The following CDKL5 variants were observed in gnomAD, a reference collection of about 807,000 sequenced individuals.
CDKL5 encodes the protein cyclin dependent kinase like 5, also known as cyclin-dependent kinase-like 5.
Under a neutral mutation model 61.7 loss-of-function variants are expected in CDKL5, and 8 were observed. The ratio of observed to expected loss-of-function variants is 0.13; its 90% CI spans 0.08 to 0.23. CDKL5 has a LOEUF of 0.23. Ranked by LOEUF, CDKL5 falls within the 10% of genes least tolerant of loss-of-function variation. The probability of loss-of-function intolerance (pLI) is 1.00; values close to 1 mark genes in which losing one functional copy is unlikely to be tolerated. For missense variants in CDKL5, 440 were observed against 734.5 expected, an observed-to-expected ratio of 0.60 and a Z score of 4.63; for synonymous variants, 275 against 272.3, an observed-to-expected ratio of 1.01 and a Z score of -0.10.
chrX:18,559,241 G>A (rs187892700), intron 3 of CDKL5, among the ~76,000 whole-genome samples: 23 of 111,889 alleles, frequency 2.1e-4, no homozygotes, highest in Non-Finnish European at 3.2e-4. Context: ...ATGGAGTCTC[G>A]CTCTGTCATC....
rs1260438495 is a variant in CDKL5 at position 18,630,991 on chromosome X, C to CT, written c.*2241dup. 1 of 745,194 alleles carries CT rather than the reference C, an allele frequency of 1.3e-6. No homozygotes were observed. Among genetic ancestry groups the CT allele is most frequent in the Non-Finnish European group, 1.6e-6 (1 of 637,067 alleles). 61.4% of individuals were successfully genotyped at this position (745,194 alleles called of 1,213,427 possible). A position where few individuals can be genotyped will look rare whatever the true frequency, so the allele number is the denominator to read the frequency against. On this transcript the variant is annotated 3_prime_UTR_variant, in exon 18 of 18. Transcript: ENST00000623535. ...CCCCCCTTGCAAACCAGAAACTACA[C>CT]TTTTTTTCTCTGGAAAGACTTCTCA... is the stretch of plus-strand genomic sequence containing the variant.
At chrX:18,483,551 G>A (rs761591365) in intron 1 of CDKL5, among the ~76,000 whole-genome samples, 1 of 110,310 alleles carries the variant, frequency 9.1e-6, no homozygotes, top group South Asian at 4.0e-4. Flanking sequence ...CAAGTAGCTG[G>A]GATTACAGGC....
At chrX:18,436,975 A>G (rs951476220) in intron 1 of CDKL5, among the ~76,000 whole-genome samples, 5 of 109,027 alleles carry the variant, frequency 4.6e-5, no homozygotes, top group African/African-American at 1.7e-4. Context: ...GCATTGAAGC[A>G]CAAGTTGGCA....
chrX:18,545,855 T>C (rs1363222694), intron 3 of CDKL5, among the ~76,000 whole-genome samples: 3 of 112,515 alleles, frequency 2.7e-5, no homozygotes, highest in Non-Finnish European at 5.6e-5. Flanking sequence ...TATTGATTTA[T>C]CTTCCATGCC....
At chrX:18,439,882 TAAG>T (rs746772478) in intron 1 of CDKL5, among the ~76,000 whole-genome samples, 1 of 109,497 alleles carries the variant, frequency 9.1e-6, no homozygotes, top group Admixed American at 9.8e-5. Flanking sequence ...TGTAGTCTAT[TAAG>T]TGTGCAATAA....
chrX:18,549,366 C>A (rs752974523), intron 3 of CDKL5, among the ~76,000 whole-genome samples: 3 of 112,525 alleles, frequency 2.7e-5, no homozygotes, highest in Non-Finnish European at 5.6e-5. Context: ...CAAGCTCTGT[C>A]ACTCATTCAA....
At chrX:18,649,934 T>C (rs1328300421) in intron 20 of CDKL5, 3 of 171,282 alleles carry the variant, frequency 1.8e-5, no homozygotes, top group African/African-American at 9.1e-5. Flanking sequence ...CCCTCCACTT[T>C]GAGCATTTGA....
rs1386026899 is a variant in CDKL5 at position 18,634,484 on chromosome X, C to T, written c.*5727C>T. 5.5e-5 allele frequency: 41 copies of T among 751,760 alleles called. No individual in the cohort carries two copies. The highest frequency in any genetic ancestry group is 4.8e-4 in the South Asian group (7 of 14,619). The allele number at this position is 751,760 out of a possible 1,213,427, so 62.0% of individuals were successfully genotyped here. On this transcript the variant is annotated 3_prime_UTR_variant, in exon 18 of 18. Coordinates refer to ENST00000623535, the MANE Select transcript of CDKL5 (RefSeq NM_001323289.2). ...AACTCTGTAGAGTTTCATGGAAAAA[C>T]AAAACAAAACAAAAAAGATGCTTAT... is the stretch of plus-strand genomic sequence containing the variant.
Position 18,633,644 on chromosome X carries a change from T to G in CDKL5, c.*4887T>G. On this transcript the variant is annotated 3_prime_UTR_variant, in exon 18 of 18. Transcript: ENST00000623535. The stretch of plus-strand genomic sequence containing the variant: ...CCCTCATCTATCTGCATACACGCAA[T>G]GTGGGAGAAGTGGGGTGGCTAGGAA... 1.3e-6 allele frequency: 1 copy of G among 754,179 alleles called. No individual in the cohort carries two copies. The highest frequency in any genetic ancestry group is 2.3e-5 in the African/African-American group (1 of 43,843). 62.2% of individuals were successfully genotyped at this position (754,179 alleles called of 1,213,427 possible).
At chrX:18,503,974 C>T (rs1284293543) in intron 1 of CDKL5, among the ~76,000 whole-genome samples, 2 of 111,717 alleles carry the variant, frequency 1.8e-5, no homozygotes. Flanking sequence ...AATTCCTGAG[C>T]ATGAGTGATC....
At position 18,632,782 on chromosome X, in the gene CDKL5, A is replaced by G; in HGVS notation, c.*4025A>G. On this transcript the variant is annotated 3_prime_UTR_variant, in exon 18 of 18. Coordinates refer to ENST00000623535, the MANE Select transcript of CDKL5 (RefSeq NM_001323289.2). ...TTCCTAATCTGAGAATTAGTGGACT[A>G]TACTAGGAAATGCTATCCCATTTTC... 2 of 753,305 alleles carry G rather than the reference A, an allele frequency of 2.7e-6. No homozygotes were observed. Among genetic ancestry groups the G allele is most frequent in the Non-Finnish European group, 3.1e-6 (2 of 638,220 alleles). 62.1% of individuals were successfully genotyped at this position (753,305 alleles called of 1,213,427 possible). A position where few individuals can be genotyped will look rare whatever the true frequency, so the allele number is the denominator to read the frequency against.
At chrX:18,613,052 G>A (rs1339902588) in intron 14 of CDKL5, 100 bp from the exon 15 acceptor site, 74 of 708,205 alleles carry the variant, frequency 1.0e-4, no homozygotes, top group Admixed American at 1.3e-4. Flanking sequence ...CCGAGATCAC[G>A]CCACTGCACT....
chrX:18,586,108 G>A (rs1363276481), intron 8 of CDKL5, among the ~76,000 whole-genome samples: 1 of 111,360 alleles, frequency 9.0e-6, no homozygotes, highest in Non-Finnish European at 1.9e-5. Context: ...TAAATCAAAA[G>A]CTTGCTTTAT....
At chrX:18,441,688 T>C (rs1931748814) in intron 1 of CDKL5, among the ~76,000 whole-genome samples, 1 of 111,549 alleles carries the variant, frequency 9.0e-6, no homozygotes, top group African/African-American at 3.3e-5. Context: ...TTAGAGATAC[T>C]TTGTGATCAG....
chrX:18,474,625 A>G (rs1921234762), intron 1 of CDKL5, among the ~76,000 whole-genome samples: 1 of 112,427 alleles, frequency 8.9e-6, no homozygotes, highest in African/African-American at 3.2e-5. Context: ...AGCAGATTAA[A>G]TTATTGAAGT....
intron 1 of CDKL5, among the ~76,000 whole-genome samples, chrX:18,481,341 TTTC>T (rs1315691601): frequency 1.0e-5 from 1 of 99,632 alleles, no homozygotes; most frequent in Non-Finnish European, 2.0e-5. Flanking sequence ...TCTTTCTTTC[TTTC>T]TTTCTTTCTT....
At chrX:18,446,675 TG>T (rs1178533867) in intron 1 of CDKL5, among the ~76,000 whole-genome samples, 42 of 111,837 alleles carry the variant, frequency 3.8e-4, no homozygotes, top group African/African-American at 1.1e-3. Context: ...GGGAGTATGC[TG>T]TTTTCCAACC....
At chrX:18,491,182 G>A (rs12012911) in intron 1 of CDKL5, among the ~76,000 whole-genome samples, 1,343 of 111,869 alleles carry the variant, frequency 0.012, 19 homozygotes, top group African/African-American at 0.039. Context: ...ATTTGGAACC[G>A]TAATGAAAAA....
Position 18,613,293 on chromosome X carries a change from T to C in CDKL5, c.2276+18T>C, listed in dbSNP as rs1392439010. On this transcript the variant is annotated intron_variant, in intron 15 of 17. Transcript: ENST00000623535. Reference sequence around the variant, plus strand: ...GATCCATGGTGAGCATTTTGGTTTGTTTTTACTCTTCCTTTTTTTAATTGT... The same window carrying C: ...GATCCATGGTGAGCATTTTGGTTTGCTTTTACTCTTCCTTTTTTTAATTGT... The C allele has an allele frequency of 1.7e-6, 2 of 1,178,956 alleles. No individual in the cohort carries two copies. Among genetic ancestry groups the C allele is most frequent in the Non-Finnish European group, 2.3e-6 (2 of 874,797 alleles).
Sources: gnomAD v4.1 joint callset for allele counts (sites outside exome capture counted in the v4.1 genomes callset) on GRCh38, gnomAD v4.1.1 for gene constraint, MANE v1.5 for transcripts, NCBI Gene and HGNC (gene_info 2026-07-23, HGNC 2026-07-21) for gene names.